IFNGR1: variants seen among roughly 807,000 people sequenced by gnomAD.
IFNGR1 encodes AVP, type 2.
A neutral mutation model predicts 35.4 loss-of-function variants in IFNGR1; 23 were observed. The observed-to-expected ratio is 0.65, with a 90% CI of 0.47 to 0.92. The LOEUF is 0.92. IFNGR1 is among the 40% of genes least tolerant of loss of function. The pLI is 0.00. For missense variants in IFNGR1, 533 were observed against 583.4 expected (o/e 0.91, Z 0.89); for synonymous variants, 199 against 209.5 (o/e 0.95, Z 0.43).
In IFNGR1 at chr6:137,197,880, C is replaced by A; in HGVS notation, c.*151G>T. Reference sequence around the variant, plus strand: ...ACAAGCCAAAAGTGAAAATGCCACACATCCTCTTTACGCTTTCATGTACAC... The same window carrying A: ...ACAAGCCAAAAGTGAAAATGCCACAAATCCTCTTTACGCTTTCATGTACAC... On this transcript the variant is annotated 3_prime_UTR_variant, in exon 7 of 7. Coordinates refer to ENST00000367739, the MANE Select transcript of IFNGR1 (RefSeq NM_000416.3). 1.0e-6 allele frequency: 1 copy of A among 978,134 alleles called. No homozygotes were observed. Among genetic ancestry groups the A allele is most frequent in the Non-Finnish European group, 1.5e-6 (1 of 654,264 alleles). 60.6% of individuals were successfully genotyped at this position (978,134 alleles called of 1,614,324 possible).
At chr6:137,199,487 A>AT (rs1562283258) in intron 6 of IFNGR1, among the ~76,000 whole-genome samples, 1 of 103,178 alleles carries the variant, frequency 9.7e-6, no homozygotes, top group African/African-American at 3.8e-5. Context: ...ATAATTTATA[A>AT]TATATTATAT....
chr6:137,213,489 TC>T (rs1779620922), intron 1 of IFNGR1, among the ~76,000 whole-genome samples: 1 of 152,156 alleles, frequency 6.6e-6, no homozygotes, highest in Non-Finnish European at 1.5e-5. Flanking sequence ...AATTTGTTTT[TC>T]CTAACACTTT....
intron 3 of IFNGR1, among the ~76,000 whole-genome samples, 181 bp from the exon 4 acceptor site, chr6:137,204,685 A>C (rs903890563): frequency 1.4e-4 from 22 of 152,184 alleles, no homozygotes; most frequent in Non-Finnish European, 2.9e-5. Context: ...CTTAATAAAC[A>C]AATGTTTCAT....
intron 1 of IFNGR1, among the ~76,000 whole-genome samples, chr6:137,211,402 ATAT>A (rs1296286208): frequency 1.3e-5 from 2 of 152,260 alleles, no homozygotes; most frequent in Non-Finnish European, 2.9e-5. Context: ...TCTAACTTCT[ATAT>A]TATTTACCAA....
intron 1 of IFNGR1, 152 bp downstream of exon 1, chr6:137,219,091 C>T (rs1269694158): frequency 2.1e-6 from 2 of 953,700 alleles, no homozygotes; most frequent in Non-Finnish European, 1.6e-6. Flanking sequence ...CTCGCGACCC[C>T]ACCTCGCGTC....
At chr6:137,216,228 A>C (rs1181355549) in intron 1 of IFNGR1, among the ~76,000 whole-genome samples, 1 of 152,256 alleles carries the variant, frequency 6.6e-6, no homozygotes, top group Non-Finnish European at 1.5e-5. Context: ...ATTAGTAGGA[A>C]GCATAGCTGA....
intron 3 of IFNGR1, among the ~76,000 whole-genome samples, chr6:137,205,518 C>G (rs530935047): frequency 2.0e-5 from 3 of 152,276 alleles, no homozygotes; most frequent in East Asian, 3.9e-4. Flanking sequence ...GAATAAGGAA[C>G]TCTGCAATTT....
Position 137,198,597 on chromosome 6 carries a change from A to C in IFNGR1, c.904T>G (p.Ser302Ala), listed in dbSNP as rs1355355384. The C allele has an allele frequency of 6.2e-7, 1 of 1,613,700 alleles. No individual in the cohort carries two copies. The change falls in exon 7 of 7, where the codon TCA becomes GCA. Residue 302 changes from serine (S) to alanine (A), a missense_variant. Physicochemically the swap from Ser to Ala is moderately conservative, Grantham distance 99. Coordinates refer to ENST00000367739, the MANE Select transcript of IFNGR1 (RefSeq NM_000416.3). ...GACGTGATGAGTGATACATATTTTG[A>C]TTCAGGTTTTGTCTCTAAAGTAGCA... is the stretch of plus-strand genomic sequence containing the variant. Reference protein sequence around the residue: ...RSATLETKPESKYVSLITSYQ... With the variant: ...RSATLETKPEAKYVSLITSYQ...
At chr6:137,218,334 A>T (rs1582648634) in intron 1 of IFNGR1, 1 of 457,092 alleles carries the variant, frequency 2.2e-6, no homozygotes, top group Non-Finnish European at 4.3e-6. Context: ...TGGAGCTCGT[A>T]ATCACAATTA....
At position 137,198,539 on chromosome 6, in the gene IFNGR1, A is replaced by G. The variant is rs1779156839; in HGVS notation, c.962T>C (p.Val321Ala). 1 of 1,613,798 alleles carries G rather than the reference A, an allele frequency of 6.2e-7. No homozygotes were observed. Among genetic ancestry groups the G allele is most frequent in the African/African-American group, 1.3e-5 (1 of 74,914 alleles). The stretch of plus-strand genomic sequence containing the variant: ...TGCTGGAGACAACGGCTCTTCACAG[A>G]CCACCTCCTTTTCTAAGGAAAATGG... ...YQPFSLEKEV[V>A]CEEPLSPATV... is the part of the protein sequence containing the mutation. The change falls in exon 7 of 7, where the codon GTC (valine) becomes GCC (alanine). Residue 321 changes from valine (V) to alanine (A), a missense_variant. Coordinates refer to ENST00000367739, the MANE Select transcript of IFNGR1 (RefSeq NM_000416.3).
At chr6:137,203,768 AAAC>A in intron 4 of IFNGR1, 83 bp from the exon 5 acceptor site, 3 of 1,085,510 alleles carry the variant, frequency 2.8e-6, no homozygotes, top group South Asian at 2.7e-5. Flanking sequence ...AGTCCTGGTC[AAAC>A]AACTGAAGAA....
chr6:137,206,059 T>A lies in IFNGR1; in HGVS notation c.373+77A>T, dbSNP rs906408627. On this transcript the variant is annotated intron_variant, in intron 3 of 6. Coordinates refer to ENST00000367739, the MANE Select transcript of IFNGR1 (RefSeq NM_000416.3). ...CATTGTGATAATTTTCAGCAACTGCTAATAAAAGCAAACATACAGAAGACA... is the reference window on the plus strand; with the variant it reads ...CATTGTGATAATTTTCAGCAACTGCAAATAAAAGCAAACATACAGAAGACA... 8.4e-6 allele frequency: 10 copies of A among 1,184,192 alleles called. No individual in the cohort carries two copies. The African/African-American group carries it at 1.4e-4, about 16-fold the overall frequency. 73.4% of individuals were successfully genotyped at this position (1,184,192 alleles called of 1,614,324 possible). A position where few individuals can be genotyped will look rare whatever the true frequency, so the allele number is the denominator to read the frequency against.
Position 137,219,303 on chromosome 6 carries a change from G to T in IFNGR1, c.25C>A (p.Leu9Ile). The stretch of plus-strand genomic sequence containing the variant: ...GCCCTGCTCACACCCTGCATGACAA[G>T]GGGTAGGAGAAAGAGGAGAGCCATG... MALLFLLP[L>I]VMQGVSRAEM... The change falls in exon 1 of 7, where the codon CTT becomes ATT. Residue 9 changes from leucine (L) to isoleucine (I), a missense_variant. Physicochemically the swap from Leu to Ile is conservative, Grantham distance 5 (BLOSUM62 2). Coordinates refer to ENST00000367739, the MANE Select transcript of IFNGR1 (RefSeq NM_000416.3). 2.5e-6 allele frequency: 4 copies of T among 1,610,862 alleles called. No homozygotes were observed. The highest frequency in any genetic ancestry group is 2.5e-6 in the Non-Finnish European group (3 of 1,178,796).
chr6:137,202,602 TACACACACACAC>T (rs3839519), intron 5 of IFNGR1, among the ~76,000 whole-genome samples: 48 of 142,194 alleles, frequency 3.4e-4, no homozygotes, highest in Middle Eastern at 3.5e-3. Context: ...AATATATGTA[TACACACACACAC>T]ACACACACAC....
chr6:137,211,878 C>T lies in IFNGR1; in HGVS notation c.86-4801G>A, dbSNP rs368075168. 7.9e-5 allele frequency among the ~76,000 whole-genome samples: 12 copies of T among 152,186 alleles called. No individual in the cohort carries two copies. The South Asian group carries it at 1.2e-3, about 16-fold the overall frequency. ...ACACATATAAATATACTTTTTCAAC[C>T]GGAAAACAGAGGTACTTGATGCTAA... On this transcript the variant is annotated intron_variant, in intron 1 of 6. Coordinates refer to ENST00000367739, the MANE Select transcript of IFNGR1 (RefSeq NM_000416.3).
intron 5 of IFNGR1, among the ~76,000 whole-genome samples, chr6:137,203,258 AT>A (rs1194296556): frequency 1.3e-5 from 2 of 152,138 alleles, no homozygotes; most frequent in Admixed American, 1.3e-4. Flanking sequence ...CTTATTATAT[AT>A]TTTTTCTTTC....
chr6:137,201,999 C>G (rs184552772), intron 5 of IFNGR1, among the ~76,000 whole-genome samples: 31 of 150,968 alleles, frequency 2.1e-4, no homozygotes, highest in Non-Finnish European at 4.3e-4. Context: ...TCATAGTTCT[C>G]TCTTCCAAAT....
rs121913191 is a variant in IFNGR1 at position 137,197,581 on chromosome 6, G to A, written c.*450C>T. The A allele has an allele frequency of 4.9e-4, 76 of 155,444 alleles. No individual in the cohort carries two copies. Among genetic ancestry groups the A allele is most frequent in the Non-Finnish European group, 9.1e-4 (64 of 69,986 alleles). 9.6% of individuals were successfully genotyped at this position (155,444 alleles called of 1,614,324 possible). A position where few individuals can be genotyped will look rare whatever the true frequency, so the allele number is the denominator to read the frequency against. The stretch of plus-strand genomic sequence containing the variant: ...CATATTCCATTAATTCTATTAGTTT[G>A]AATTAGATTTTAAGTCCAATTTTGA... On this transcript the variant is annotated 3_prime_UTR_variant, in exon 7 of 7. Coordinates refer to ENST00000367739, the MANE Select transcript of IFNGR1 (RefSeq NM_000416.3).
intron 3 of IFNGR1, 27 bp downstream of exon 3, chr6:137,206,109 A>C (rs371546125): frequency 6.3e-7 from 1 of 1,586,344 alleles, no homozygotes; most frequent in Non-Finnish European, 8.7e-7. Context: ...CCAATTTAAA[A>C]TTTACATGTG....
Sources: allele counts gnomAD v4.1 joint callset (sites outside exome capture counted in the v4.1 genomes callset), GRCh38; gene constraint gnomAD v4.1.1; transcripts MANE v1.5; gene names NCBI Gene and HGNC (gene_info 2026-07-23, HGNC 2026-07-21).